Variants in AKAP6 observed in about 807,000 individuals in gnomAD.
AKAP6 encodes A-kinase anchor protein 6.
AKAP6 carries 58 observed loss-of-function variants against 188.5 expected under a neutral mutation model. The observed-to-expected ratio is 0.31, with a 90% CI of 0.25 to 0.38. The LOEUF is 0.38. Ranked by LOEUF, AKAP6 falls within the 10% of genes least tolerant of loss-of-function variation. The probability of loss-of-function intolerance (pLI) is 1.00; values close to 1 mark genes in which losing one functional copy is unlikely to be tolerated. For missense variants in AKAP6, 2,710 were observed against 2,740.0 expected (o/e 0.99, Z 0.24); for synonymous variants, 989 against 998.6 (o/e 0.99, Z 0.18).
chr14:32,378,802 A>C (rs1888241937), intron 1 of AKAP6, among the ~76,000 whole-genome samples: 1 of 152,224 alleles, frequency 6.6e-6, no homozygotes, highest in Admixed American at 6.5e-5. Flanking sequence ...ACTCTCACAG[A>C]CATCTCATCT....
At chr14:32,434,726 A>G (rs1890326863) in intron 2 of AKAP6, among the ~76,000 whole-genome samples, 1 of 152,246 alleles carries the variant, frequency 6.6e-6, no homozygotes, top group African/African-American at 2.4e-5. Context: ...TAAATGGTTT[A>G]CAGGATGCAG....
intron 8 of AKAP6, among the ~76,000 whole-genome samples, chr14:32,690,638 A>C (rs889731899): frequency 3.9e-5 from 6 of 152,186 alleles, no homozygotes; most frequent in African/African-American, 1.4e-4. Context: ...ATAGTGCTTC[A>C]ACCCAAACTT....
intron 2 of AKAP6, among the ~76,000 whole-genome samples, chr14:32,455,745 C>T (rs940835123): frequency 6.6e-6 from 1 of 152,092 alleles, no homozygotes; most frequent in Non-Finnish European, 1.5e-5. Flanking sequence ...AATCTCTGTC[C>T]TCTTTATTTT....
chr14:32,524,437 A>T (rs1278810854), intron 2 of AKAP6, among the ~76,000 whole-genome samples: 1 of 152,114 alleles, frequency 6.6e-6, no homozygotes, highest in Non-Finnish European at 1.5e-5. Context: ...AACATCTGGT[A>T]TACATGTAAA....
chr14:32,584,019 A>T (rs1482762596), intron 5 of AKAP6, among the ~76,000 whole-genome samples: 1 of 152,318 alleles, frequency 6.6e-6, no homozygotes, highest in East Asian at 1.9e-4. Flanking sequence ...CCCTAGTGAG[A>T]TGAACCCGGT....
intron 12 of AKAP6, among the ~76,000 whole-genome samples, chr14:32,812,010 G>A (rs1000813489): frequency 1.3e-5 from 2 of 152,060 alleles, no homozygotes; most frequent in Non-Finnish European, 2.9e-5. Flanking sequence ...TTTTATTAAC[G>A]TAAGATCATT....
intron 2 of AKAP6, among the ~76,000 whole-genome samples, chr14:32,483,421 AC>A (rs398118038): frequency 2.1e-4 from 5 of 23,930 alleles, no homozygotes; most frequent in Admixed American, 5.7e-4. Flanking sequence ...GGAATGTAAA[AC>A]AGTTTTATAG....
At chr14:32,624,232 C>T (rs1246338625) in intron 7 of AKAP6, among the ~76,000 whole-genome samples, 1 of 151,938 alleles carries the variant, frequency 6.6e-6, no homozygotes, top group East Asian at 1.9e-4. Context: ...ATTAGGTGGT[C>T]GTAAATGACA....
chr14:32,828,527 TCTCACACACACACACACACACA>T (rs1453503365), intron 13 of AKAP6, among the ~76,000 whole-genome samples: 1 of 76,652 alleles, frequency 1.3e-5, no homozygotes, highest in Non-Finnish European at 2.2e-5. Flanking sequence ...TCTCTCTCTC[TCTCACACACACACACACACACA>T]CACACACACA....
At chr14:32,519,675 G>T (rs992237367) in intron 2 of AKAP6, among the ~76,000 whole-genome samples, 3 of 152,152 alleles carry the variant, frequency 2.0e-5, no homozygotes, top group African/African-American at 7.2e-5. Flanking sequence ...ACCCAATACA[G>T]GAGTACCCAG....
chr14:32,740,954 A>G (rs1301795385), intron 11 of AKAP6, among the ~76,000 whole-genome samples: 1 of 151,256 alleles, frequency 6.6e-6, no homozygotes, highest in East Asian at 1.9e-4. Context: ...TGCTTTGGAT[A>G]GTATGGATGT....
rs753883355 is a variant in AKAP6 at position 32,824,090 on chromosome 14, A to G, written c.6277A>G (p.Lys2093Glu). ...TACTTCATTAACTCAAATCAAGGAGAAAGTGTTGGAGCATTCTCACCGGCC... is the reference window on the plus strand; with the variant it reads ...TACTTCATTAACTCAAATCAAGGAGGAAGTGTTGGAGCATTCTCACCGGCC... ...APTSLTQIKE[K>E]VLEHSHRPIQ... Residue 2093 changes from lysine (K) to glutamate (E), a missense_variant, in exon 13 of 14, where the codon AAA becomes GAA. Coordinates refer to ENST00000280979, the MANE Select transcript of AKAP6 (RefSeq NM_004274.5). 1 of 1,613,916 alleles carries G rather than the reference A, an allele frequency of 6.2e-7. No homozygotes were observed.
At chr14:32,350,322 A>G (rs1371831274) in intron 1 of AKAP6, among the ~76,000 whole-genome samples, 3 of 152,214 alleles carry the variant, frequency 2.0e-5, no homozygotes, top group Non-Finnish European at 4.4e-5. Context: ...CCTCCATGGT[A>G]TTCTTCTCAA....
intron 5 of AKAP6, among the ~76,000 whole-genome samples, chr14:32,593,198 C>T (rs573311223): frequency 2.0e-5 from 3 of 152,176 alleles, no homozygotes; most frequent in South Asian, 2.1e-4. Context: ...GGTTGTGATT[C>T]GAGTTGACCT....
chr14:32,343,672 C>T (rs368662149), intron 1 of AKAP6, among the ~76,000 whole-genome samples: 36 of 139,242 alleles, frequency 2.6e-4, no homozygotes, highest in East Asian at 2.5e-3. Context: ...GGCGTGAACC[C>T]GGAAGGAGGA....
intron 1 of AKAP6, among the ~76,000 whole-genome samples, chr14:32,329,810 T>G (rs928214472): frequency 6.6e-6 from 1 of 152,116 alleles, no homozygotes; most frequent in South Asian, 2.1e-4. Context: ...TTATGAAATA[T>G]TCAGTGATTT....
chr14:32,690,076 T>TACACACACACACAC (rs10658220), intron 8 of AKAP6, among the ~76,000 whole-genome samples: 9 of 136,020 alleles, frequency 6.6e-5, no homozygotes, highest in South Asian at 2.6e-4. Context: ...TGCCCCAAAA[T>TACACACACACACAC]ACACACACAC....
chr14:32,749,301 G>T (rs1433300245), intron 11 of AKAP6, among the ~76,000 whole-genome samples: 6 of 152,108 alleles, frequency 3.9e-5, no homozygotes, highest in Admixed American at 3.9e-4. Flanking sequence ...TTCAATTATA[G>T]ATGTCATTTA....
intron 12 of AKAP6, among the ~76,000 whole-genome samples, chr14:32,794,676 G>T (rs566722439): frequency 6.6e-6 from 1 of 152,234 alleles, no homozygotes; most frequent in Non-Finnish European, 1.5e-5. Context: ...AGCACTAAAT[G>T]CCCATATCAA....
Sources: allele counts gnomAD v4.1 joint callset (sites outside exome capture counted in the v4.1 genomes callset), GRCh38; gene constraint gnomAD v4.1.1; transcripts MANE v1.5; gene names NCBI Gene and HGNC (gene_info 2026-07-23, HGNC 2026-07-21).